The following JADE1 variants were observed in gnomAD, a reference collection of about 807,000 sequenced individuals.
JADE1 encodes jade family PHD finger 1.
In JADE1, 14 loss-of-function variants were observed where a neutral mutation model predicts 81.8. That is an observed-to-expected ratio of 0.17 (90% CI 0.11 to 0.27). The LOEUF is 0.27. Among genes scored for constraint, JADE1 ranks in the 10% least tolerant of loss-of-function variants. The pLI is 1.00. For synonymous variants in JADE1, 353 were observed against 391.9 expected (o/e 0.90, Z 1.17); for missense variants, 690 against 1,047.9 (o/e 0.66, Z 4.71).
intron 2 of JADE1, among the ~76,000 whole-genome samples, chr4:128,842,716 G>A (rs569366733): frequency 6.6e-6 from 1 of 152,204 alleles, no homozygotes; most frequent in African/African-American, 2.4e-5. Flanking sequence ...TGTTGGGTGT[G>A]GTCCTTGATA....
intron 6 of JADE1, among the ~76,000 whole-genome samples, chr4:128,854,036 A>G (rs1430878445): frequency 6.6e-6 from 1 of 152,044 alleles, no homozygotes; most frequent in African/African-American, 2.4e-5. Context: ...TGCTTCATGT[A>G]TTTACTTGGC....
At chr4:128,816,582 C>T (rs1301267362) in intron 1 of JADE1, 1 of 152,184 alleles carries the variant, frequency 6.6e-6, no homozygotes, top group Non-Finnish European at 1.5e-5. Context: ...CCTTTCCTCA[C>T]CTCAAAGCAC....
At chr4:128,857,615 C>G (rs1730902973) in intron 8 of JADE1, among the ~76,000 whole-genome samples, 161 bp downstream of exon 8, 1 of 152,166 alleles carries the variant, frequency 6.6e-6, no homozygotes, top group South Asian at 2.1e-4. Flanking sequence ...GTACACACAC[C>G]TTTAATAGGC....
At chr4:128,866,461 T>C (rs991294303) in intron 9 of JADE1, among the ~76,000 whole-genome samples, 1 of 152,242 alleles carries the variant, frequency 6.6e-6, no homozygotes. Flanking sequence ...TAATGCTTCA[T>C]GTCCTCTTGC....
chr4:128,864,593 A>C, intron 9 of JADE1: 1 of 985,420 alleles, frequency 1.0e-6, no homozygotes, highest in Non-Finnish European at 1.2e-6. Context: ...TAAGTGTATC[A>C]GGGCAGGGGT....
chr4:128,845,183 T>C (rs2125854043), intron 3 of JADE1, among the ~76,000 whole-genome samples: 1 of 152,334 alleles, frequency 6.6e-6, no homozygotes, highest in South Asian at 2.1e-4. Flanking sequence ...CAGCCCTGGC[T>C]GGGAGGCGGT....
In JADE1 at chr4:128,842,924, G is replaced by A. The variant is rs759352142; in HGVS notation, c.53-29G>A. ...CTCAGTGACCCCTGCAATTTCTAAT[G>A]GTTCTTATTTGGATATTTGTTTCTT... On this transcript the variant is annotated intron_variant, in intron 2 of 10. Transcript: ENST00000226319. 12 of 1,598,388 alleles carry A rather than the reference G, an allele frequency of 7.5e-6. No homozygotes were observed. In the East Asian group the frequency reaches 2.5e-4, roughly 33 times the overall value.
intron 2 of JADE1, among the ~76,000 whole-genome samples, chr4:128,840,065 C>A (rs1042605202): frequency 2.0e-5 from 3 of 152,156 alleles, no homozygotes; most frequent in Admixed American, 1.3e-4. Context: ...CTATTGGATA[C>A]CAAGTATGTA....
intron 9 of JADE1, among the ~76,000 whole-genome samples, chr4:128,865,603 G>A (rs990952301): frequency 2.4e-4 from 36 of 152,134 alleles, no homozygotes; most frequent in African/African-American, 6.8e-4. Flanking sequence ...GGAACTTTAT[G>A]CATAAGGGAA....
At chr4:128,855,828 CT>C in intron 7 of JADE1, 31 bp downstream of exon 7, 6 of 1,511,468 alleles carry the variant, frequency 4.0e-6, no homozygotes, top group South Asian at 1.2e-5. Context: ...GTTGTTTTTA[CT>C]TTTTTTTAAG....
intron 7 of JADE1, among the ~76,000 whole-genome samples, chr4:128,857,053 G>C (rs1002364148): frequency 1.3e-5 from 2 of 152,162 alleles, no homozygotes; most frequent in Non-Finnish European, 2.9e-5. Context: ...CATTGTCCTG[G>C]TACATGACTC....
chr4:128,862,636 G>A, intron 9 of JADE1: 1 of 1,018,764 alleles, frequency 9.8e-7, no homozygotes, highest in Non-Finnish European at 1.2e-6. Context: ...TAATGGAGGG[G>A]GCCAGAGATG....
intron 2 of JADE1, among the ~76,000 whole-genome samples, chr4:128,840,391 A>T (rs767157500): frequency 1.3e-5 from 2 of 152,204 alleles, no homozygotes; most frequent in Non-Finnish European, 2.9e-5. Flanking sequence ...ATAGCAGTGG[A>T]GTGATTCTCT....
At chr4:128,810,732 G>GGGGGGT (rs1444008077) in intron 1 of JADE1, among the ~76,000 whole-genome samples, 3 of 149,740 alleles carry the variant, frequency 2.0e-5, no homozygotes, top group African/African-American at 4.9e-5. Context: ...GGCAGTGAGA[G>GGGGGGT]GGGGGTGGGG....
At position 128,846,364 on chromosome 4, in the gene JADE1, T is replaced by G. The variant is rs201663272; in HGVS notation, c.139-11T>G. On this transcript the variant is annotated splice_polypyrimidine_tract_variant and intron_variant, in intron 3 of 10. Transcript: ENST00000226319. The surrounding 1 kb of genome is among the most constrained non-coding windows in gnomAD (Gnocchi z 4.0). ...TATCAAATGTCAGTGTCCCTTTCTC[T>G]TCCTTTCCAGGTGTTTAGGACAGAC... The G allele has an allele frequency of 2.9e-5, 46 of 1,613,170 alleles. No individual in the cohort carries two copies. The East Asian group carries it at 6.0e-4, about 21-fold the overall frequency.
intron 6 of JADE1, among the ~76,000 whole-genome samples, chr4:128,853,154 G>A (rs1360334290): frequency 6.6e-6 from 1 of 152,180 alleles, no homozygotes; most frequent in African/African-American, 2.4e-5. Flanking sequence ...GGGATTACAG[G>A]TGTGAGGCAC....
rs1732288141 is a variant in JADE1 at position 128,872,755 on chromosome 4, G to T, written c.*493G>T. 1 of 306,032 alleles carries T rather than the reference G, an allele frequency of 3.3e-6. No homozygotes were observed. The highest frequency in any genetic ancestry group is 6.7e-6 in the Non-Finnish European group (1 of 149,038). The allele number at this position is 306,032 out of a possible 1,614,324, so 19.0% of individuals were successfully genotyped here. On this transcript the variant is annotated 3_prime_UTR_variant, in exon 11 of 11. Coordinates refer to ENST00000226319, the MANE Select transcript of JADE1 (RefSeq NM_199320.4). ...TTTGGCCCTCAAGGCTATTTTTGTT[G>T]CATTATAGCATATAGGCAGCAGCTC...
chr4:128,868,053 T>C (rs1731913199), intron 10 of JADE1, 80 bp downstream of exon 10: 1 of 668,940 alleles, frequency 1.5e-6, no homozygotes, highest in Admixed American at 2.4e-5. Context: ...AAATAATCAT[T>C]TCTTAATTTT....
In JADE1 at chr4:128,855,693, G is replaced by A. The variant is rs766664094; in HGVS notation, c.760G>A (p.Val254Ile). Residue 254 changes from valine to isoleucine, a missense_variant, in exon 7 of 11, where the codon GTT becomes ATT. Val to Ile is a conservative substitution (Grantham distance 29, BLOSUM62 3). Coordinates refer to ENST00000226319, the MANE Select transcript of JADE1 (RefSeq NM_199320.4). ...GCTGTGCCGGACATGTGCCCTGGGG[G>A]TTCAGCCAAAATGTCTGCTGTGTCC... The part of the protein sequence containing the change: ...SWLCRTCALG[V>I]QPKCLLCPKK... 1 of 1,614,192 alleles carries A rather than the reference G, an allele frequency of 6.2e-7. No individual in the cohort carries two copies. Among genetic ancestry groups the A allele is most frequent in the South Asian group, 1.1e-5 (1 of 91,068 alleles).
Sources: gnomAD v4.1 joint callset for allele counts (sites outside exome capture counted in the v4.1 genomes callset) on GRCh38, gnomAD v4.1.1 for gene constraint, Gnocchi (gnomAD v3.1) non-coding constraint, MANE v1.5 for transcripts, NCBI Gene and HGNC (gene_info 2026-07-23, HGNC 2026-07-21) for gene names.